The following ZNF362 variants were observed in gnomAD, a reference collection of about 807,000 sequenced individuals.
ZNF362 encodes rotund homolog.
Under a neutral mutation model 42.9 loss-of-function variants are expected in ZNF362, and 11 were observed. The ratio of observed to expected loss-of-function variants is 0.26; its 90% CI spans 0.16 to 0.42. The LOEUF (loss-of-function observed/expected upper bound fraction) is 0.42, where lower values mean the gene tolerates loss of function less well. Among genes scored for constraint, ZNF362 ranks in the 20% least tolerant of loss-of-function variants. The pLI, the probability that ZNF362 is intolerant of heterozygous loss-of-function variation, is 1.00. For synonymous variants in ZNF362, 255 were observed against 257.3 expected (o/e 0.99, Z 0.09); for missense variants, 362 against 576.2 (o/e 0.63, Z 3.81).
the ZNF362 span, among the ~76,000 whole-genome samples, chr1:33,134,571 A>G: frequency 0.18 from 27,860 of 152,074 alleles, 3,029 homozygotes; most frequent in South Asian, 0.29. Flanking sequence ...AAGGGGACCC[A>G]TGGAAAGAAA....
the ZNF362 span, among the ~76,000 whole-genome samples, chr1:33,187,564 G>A: frequency 2.6e-5 from 4 of 152,132 alleles, no homozygotes; most frequent in African/African-American, 4.8e-5. Context: ...CTCAGCTTCC[G>A]ACTCTACTAC....
At chr1:33,181,621 A>G in the ZNF362 span, 3 of 1,123,882 alleles carry the variant, frequency 2.7e-6, no homozygotes, top group Non-Finnish European at 3.6e-6. This position sits in a 1 kb window ranked among gnomAD's most constrained non-coding sequence, Gnocchi z 6.5. Flanking sequence ...TGCGCGGCTG[A>G]GACTCCGTGG....
At chr1:33,221,859 T>C in the ZNF362 span, among the ~76,000 whole-genome samples, 1 of 152,128 alleles carries the variant, frequency 6.6e-6, no homozygotes, top group Non-Finnish European at 1.5e-5. Context: ...GGCAGTAGGA[T>C]GCAGTGGATA....
Position 33,273,759 on chromosome 1 carries a change from C to A in ZNF362, c.39-2341C>A, listed in dbSNP as rs752318953. On this transcript the variant is annotated intron_variant, in intron 2 of 8. Transcript: ENST00000539719. ...CCTCCGTGAAATCAGGGTGAAAATT[C>A]TTCCTTGCTTGCCATCCTCCTGAGG... Among the ~76,000 whole-genome samples, 3 of 152,222 alleles carry A rather than the reference C, an allele frequency of 2.0e-5. No individual in the cohort carries two copies. In the South Asian group the frequency reaches 6.2e-4, roughly 32 times the overall value.
chr1:33,216,738 A>T, the ZNF362 span, among the ~76,000 whole-genome samples: 5 of 151,942 alleles, frequency 3.3e-5, no homozygotes, highest in Non-Finnish European at 7.4e-5. Flanking sequence ...AGGCAGGAAT[A>T]TAATAATAAA....
the ZNF362 span, among the ~76,000 whole-genome samples, chr1:33,208,764 A>G: frequency 1.3e-5 from 2 of 152,108 alleles, no homozygotes; most frequent in African/African-American, 4.8e-5. Context: ...ATTTTTGCAC[A>G]TTGATTTTGT....
At chr1:33,136,245 TTC>T in the ZNF362 span, among the ~76,000 whole-genome samples, 2 of 151,010 alleles carry the variant, frequency 1.3e-5, no homozygotes, top group South Asian at 2.1e-4. Flanking sequence ...TTCTTTTCCT[TTC>T]TCTCTTTCTT....
the ZNF362 span, among the ~76,000 whole-genome samples, chr1:33,247,733 C>T: frequency 6.6e-6 from 1 of 152,174 alleles, no homozygotes; most frequent in South Asian, 2.1e-4. Context: ...AGATGTGCTG[C>T]GAGGATCCAG....
chr1:33,179,516 G>A, the ZNF362 span, among the ~76,000 whole-genome samples: 1 of 152,202 alleles, frequency 6.6e-6, no homozygotes, highest in Admixed American at 6.5e-5. Flanking sequence ...TACCTCCCAA[G>A]TTAGCCCACT....
At chr1:33,208,139 G>T in the ZNF362 span, among the ~76,000 whole-genome samples, 4 of 152,144 alleles carry the variant, frequency 2.6e-5, no homozygotes, top group Non-Finnish European at 4.4e-5. Flanking sequence ...TCCAGTTTCA[G>T]CTTTCTACAT....
At chr1:33,258,064 G>T (rs1180665442) in intron 1 of ZNF362, among the ~76,000 whole-genome samples, 5 of 152,318 alleles carry the variant, frequency 3.3e-5, no homozygotes, top group Admixed American at 1.3e-4. Flanking sequence ...CTGAGGGAAG[G>T]GGCAGGAAAG....
chr1:33,294,844 G>T lies in ZNF362; in HGVS notation c.909-93G>T, dbSNP rs913680665. On this transcript the variant is annotated intron_variant, in intron 6 of 8. Transcript: ENST00000539719. This position sits in a 1 kb window ranked among gnomAD's most constrained non-coding sequence, Gnocchi z 4.2. ...GGGGAGCATGGGCAGGGTAGGGACC[G>T]AGAGGCTTAGGGGCCAGAGTAAGGA... The T allele has an allele frequency of 8.4e-6, 12 of 1,420,906 alleles. No homozygotes were observed. The highest frequency in any genetic ancestry group is 1.8e-4 in the Middle Eastern group (1 of 5,692). The allele number at this position is 1,420,906 out of a possible 1,614,324, so 88.0% of individuals were successfully genotyped here.
chr1:33,145,809 T>C, the ZNF362 span: 1 of 468,468 alleles, frequency 2.1e-6, no homozygotes, highest in South Asian at 1.6e-5. Flanking sequence ...GATTGGATGC[T>C]GTGGCAGAAA....
At chr1:33,296,900 G>A (rs775582016) in intron 8 of ZNF362, among the ~76,000 whole-genome samples, 114 of 151,392 alleles carry the variant, frequency 7.5e-4, no homozygotes, top group Admixed American at 3.3e-4. Context: ...AAAATCCTGG[G>A]CTCAAGGGAT....
intron 1 of ZNF362, among the ~76,000 whole-genome samples, chr1:33,269,988 A>T (rs920965208): frequency 1.3e-5 from 2 of 151,928 alleles, no homozygotes; most frequent in Non-Finnish European, 2.9e-5. Context: ...TGATAAACAG[A>T]CCCGGTTTCA....
the ZNF362 span, among the ~76,000 whole-genome samples, chr1:33,241,627 A>G: frequency 6.6e-6 from 1 of 152,218 alleles, no homozygotes; most frequent in African/African-American, 2.4e-5. Flanking sequence ...GGAAAAGTCC[A>G]CTAACTATGC....
At chr1:33,157,550 TTC>T in the ZNF362 span, among the ~76,000 whole-genome samples, 1,271 of 152,234 alleles carry the variant, frequency 8.3e-3, 17 homozygotes, top group African/African-American at 0.029. Context: ...TTTGTCTACT[TTC>T]TATCTCACAC....
chr1:33,271,211 G>A (rs922618232), intron 2 of ZNF362, among the ~76,000 whole-genome samples: 3 of 152,216 alleles, frequency 2.0e-5, no homozygotes, highest in African/African-American at 7.2e-5. Flanking sequence ...TCTGGCCCCA[G>A]CTGCTGGCTC....
chr1:33,264,627 C>G (rs907114178), intron 1 of ZNF362, among the ~76,000 whole-genome samples: 3 of 152,172 alleles, frequency 2.0e-5, no homozygotes, highest in African/African-American at 7.2e-5. Flanking sequence ...TGAGCTGTCA[C>G]ATTTCCCCTT....
Sources: allele counts gnomAD v4.1 joint callset (sites outside exome capture counted in the v4.1 genomes callset), GRCh38; gene constraint gnomAD v4.1.1; non-coding constraint Gnocchi (gnomAD v3.1); transcripts MANE v1.5; gene names NCBI Gene and HGNC (gene_info 2026-07-23, HGNC 2026-07-21).